Variants in CHD1 observed in about 807,000 individuals in gnomAD.
The protein encoded by CHD1 is chromodomain helicase DNA binding protein 1, also known as ATP-dependent chromatin remodeler CHD1.
In CHD1, 36 loss-of-function variants were observed where a neutral mutation model predicts 224.2. The observed-to-expected ratio is 0.16, with a 90% CI of 0.12 to 0.21. The LOEUF is 0.21. Ranked by LOEUF, CHD1 falls within the 10% of genes least tolerant of loss-of-function variation. CHD1 has a pLI of 1.00. For synonymous variants in CHD1, 668 were observed against 658.3 expected (o/e 1.01, Z -0.23); for missense variants, 1,378 against 1,994.8 (o/e 0.69, Z 5.89).
intron 2 of CHD1, among the ~76,000 whole-genome samples, chr5:98,913,388 C>T (rs561364277): frequency 2.6e-5 from 4 of 152,252 alleles, no homozygotes; most frequent in African/African-American, 7.2e-5. Flanking sequence ...GGAGGAGGAT[C>T]CCTTAAACCC....
intron 27 of CHD1, 100 bp downstream of exon 27, chr5:98,872,317 T>C (rs1749412559): frequency 1.4e-5 from 21 of 1,478,646 alleles, no homozygotes; most frequent in Non-Finnish European, 1.9e-5. Context: ...TCTTCCTTTT[T>C]TTTTTCAAAA....
At chr5:98,871,749 CATCT>C (rs34858649) in intron 28 of CHD1, among the ~76,000 whole-genome samples, 224 of 152,146 alleles carry the variant, frequency 1.5e-3, no homozygotes, top group Non-Finnish European at 2.3e-3. Context: ...AAAATATGTA[CATCT>C]ATTATGCATC....
At chr5:98,895,064 A>G (rs1238085325) in intron 12 of CHD1, among the ~76,000 whole-genome samples, 3 of 152,054 alleles carry the variant, frequency 2.0e-5, no homozygotes, top group Non-Finnish European at 2.9e-5. Context: ...CAGATGATCC[A>G]CCTACCTTGG....
At chr5:98,889,472 T>A (rs1223771576) in intron 15 of CHD1, among the ~76,000 whole-genome samples, 3 of 152,216 alleles carry the variant, frequency 2.0e-5, no homozygotes, top group African/African-American at 7.2e-5. Context: ...AACATAATTA[T>A]TACAGTGTAT....
intron 32 of CHD1, 87 bp from the exon 33 acceptor site, chr5:98,860,155 AAC>A (rs1748355393): frequency 1.4e-6 from 1 of 728,810 alleles, no homozygotes; most frequent in Non-Finnish European, 2.5e-6. Flanking sequence ...TCCAGGCACA[AAC>A]ACATATACAC....
intron 5 of CHD1, 97 bp downstream of exon 5, chr5:98,902,803 A>G: frequency 1.5e-6 from 1 of 676,462 alleles, no homozygotes; most frequent in Non-Finnish European, 2.5e-6. Flanking sequence ...AAGAATTTAG[A>G]AGAGTCTCCT....
intron 2 of CHD1, among the ~76,000 whole-genome samples, chr5:98,907,281 T>C (rs1752104198): frequency 6.6e-6 from 1 of 152,182 alleles, no homozygotes; most frequent in Non-Finnish European, 1.5e-5. Context: ...AGTTGTTCTT[T>C]AGTACGATAA....
chr5:98,902,505 G>A (rs540444964), intron 5 of CHD1, among the ~76,000 whole-genome samples: 14 of 152,094 alleles, frequency 9.2e-5, no homozygotes, highest in Middle Eastern at 6.8e-3. Flanking sequence ...TCTACGGTAT[G>A]AAGTAAATTT....
intron 4 of CHD1, 117 bp from the exon 5 acceptor site, chr5:98,903,081 CT>C: frequency 1.9e-6 from 1 of 516,282 alleles, no homozygotes; most frequent in Non-Finnish European, 3.4e-6. Context: ...CTTGTGAAGC[CT>C]TTTTTCAATG....
rs776011955 is a variant in CHD1 at position 98,893,627 on chromosome 5, G to A, written c.1801-21C>T. On this transcript the variant is annotated intron_variant, in intron 13 of 35. Coordinates refer to ENST00000614616, the MANE Select transcript of CHD1 (RefSeq NM_001270.4). Reference sequence around the variant, plus strand: ...AATGCCTTAAAATAATAGAAAAACAGTATTTTGAGAGAAAAACGGAATTCA... The same window carrying A: ...AATGCCTTAAAATAATAGAAAAACAATATTTTGAGAGAAAAACGGAATTCA... 3.4e-6 allele frequency: 5 copies of A among 1,452,510 alleles called. No homozygotes were observed. In the South Asian group the frequency reaches 6.8e-5, roughly 20 times the overall value. The allele number at this position is 1,452,510 out of a possible 1,614,324, so 90.0% of individuals were successfully genotyped here. A position where few individuals can be genotyped will look rare whatever the true frequency, so the allele number is the denominator to read the frequency against.
chr5:98,881,151 G>T lies in CHD1; in HGVS notation c.2985C>A (p.Ile995=), dbSNP rs201816226. Residue 995 remains isoleucine, a synonymous_variant, in exon 22 of 36, where the codon ATC becomes ATA. Coordinates refer to ENST00000614616, the MANE Select transcript of CHD1 (RefSeq NM_001270.4). ...QEPQEMDIDE[I]LKRAETHENE... is the part of the protein sequence containing the mutation. ...TTTCATGAGTTTCAGCTCTCTTCAA[G>T]ATTTCATCTATATCCATTTCCTATA... 7 of 1,601,828 alleles carry T rather than the reference G, an allele frequency of 4.4e-6. No individual in the cohort carries two copies. The East Asian group carries it at 1.3e-4, about 31-fold the overall frequency.
chr5:98,917,299 C>CCAAAAAAAAAAAAAAAAA lies in CHD1; in HGVS notation c.53+9034_53+9035insTTTTTTTTTTTTTTTTTG, dbSNP rs775841258. Among the ~76,000 whole-genome samples the CCAAAAAAAAAAAAAAAAA allele has an allele frequency of 2.2e-4, 26 of 119,834 alleles. 1 individual carries two copies. The highest frequency in any genetic ancestry group is 9.5e-4 in the African/African-American group (24 of 25,312). The allele number at this position is 119,834 out of a possible 152,430, so 78.6% of individuals were successfully genotyped here. ...GCCCATCCCTCCAAAAACAAAGAAACAAAAAAAAAAAACAACCTCTTAATT... is the reference window on the plus strand; with the variant it reads ...GCCCATCCCTCCAAAAACAAAGAAACCAAAAAAAAAAAAAAAAAAAAAAAAAAAAACAACCTCTTAATT... On this transcript the variant is annotated intron_variant, in intron 2 of 35. Transcript: ENST00000614616.
chr5:98,872,467 T>C lies in CHD1; in HGVS notation c.3660A>G (p.Glu1220=). Residue 1220 remains glutamate (E), a synonymous_variant, in exon 27 of 36, where the codon GAA becomes GAG. Coordinates refer to ENST00000614616, the MANE Select transcript of CHD1 (RefSeq NM_001270.4). The part of the protein sequence containing the change: ...NAKLVISHEE[E]LIPLHKSIPS... Reference sequence around the variant, plus strand: ...GAATGGATTTGTGCAAAGGTATTAATTCTTCTTCATGGGAGATGACTAGTT... The same window carrying C: ...GAATGGATTTGTGCAAAGGTATTAACTCTTCTTCATGGGAGATGACTAGTT... The C allele has an allele frequency of 6.2e-7, 1 of 1,613,638 alleles. No individual in the cohort carries two copies. Among genetic ancestry groups the C allele is most frequent in the Non-Finnish European group, 8.5e-7 (1 of 1,179,618 alleles).
At chr5:98,913,353 A>G (rs929158822) in intron 2 of CHD1, among the ~76,000 whole-genome samples, 4 of 152,182 alleles carry the variant, frequency 2.6e-5, no homozygotes, top group African/African-American at 9.7e-5. Flanking sequence ...ATATGCCTTC[A>G]GTCCTAGCTA....
At chr5:98,903,494 G>A (rs752344218) in intron 4 of CHD1, among the ~76,000 whole-genome samples, 4 of 151,378 alleles carry the variant, frequency 2.6e-5, no homozygotes, top group African/African-American at 4.9e-5. Context: ...ATGTATATGC[G>A]TGTAGGTGCA....
At chr5:98,902,062 T>C (rs1751753430) in intron 5 of CHD1, among the ~76,000 whole-genome samples, 1 of 152,048 alleles carries the variant, frequency 6.6e-6, no homozygotes, top group Non-Finnish European at 1.5e-5. Context: ...AAAAACATAG[T>C]AGAAGCAAAT....
chr5:98,921,896 A>T (rs1247251787), intron 2 of CHD1, among the ~76,000 whole-genome samples: 2 of 152,224 alleles, frequency 1.3e-5, no homozygotes, highest in African/African-American at 4.8e-5. Flanking sequence ...TCATGCCTGT[A>T]ATCCCAGCAC....
At chr5:98,867,216 G>A (rs1748941896) in intron 31 of CHD1, among the ~76,000 whole-genome samples, 1 of 151,934 alleles carries the variant, frequency 6.6e-6, no homozygotes, top group African/African-American at 2.4e-5. Flanking sequence ...CAGTAAATAA[G>A]GTCTTTAGAA....
chr5:98,875,555 AG>A (rs1749687778), intron 24 of CHD1, among the ~76,000 whole-genome samples: 1 of 152,198 alleles, frequency 6.6e-6, no homozygotes, highest in African/African-American at 2.4e-5. Context: ...ATTTTACTTA[AG>A]AAAGCTACGT....
Sources: allele counts gnomAD v4.1 joint callset (sites outside exome capture counted in the v4.1 genomes callset), GRCh38; gene constraint gnomAD v4.1.1; transcripts MANE v1.5; gene names NCBI Gene and HGNC (gene_info 2026-07-23, HGNC 2026-07-21).